Variants in RUNDC3B observed in about 807,000 individuals in gnomAD.
The protein encoded by RUNDC3B is RUN domain containing 3B.
In RUNDC3B, 33 loss-of-function variants were observed where a neutral mutation model predicts 58.4. That is an observed-to-expected ratio of 0.56 (90% CI 0.43 to 0.75). The LOEUF (loss-of-function observed/expected upper bound fraction) is 0.75, where lower values mean the gene tolerates loss of function less well. Ranked by LOEUF, RUNDC3B falls within the 30% of genes least tolerant of loss-of-function variation. The pLI, the probability that RUNDC3B is intolerant of heterozygous loss-of-function variation, is 0.00. For missense variants in RUNDC3B, 501 were observed against 535.7 expected (o/e 0.94, Z 0.64); for synonymous variants, 193 against 195.2 (o/e 0.99, Z 0.10).
At chr7:87,733,368 A>G (rs953418060) in intron 4 of RUNDC3B, among the ~76,000 whole-genome samples, 1 of 152,228 alleles carries the variant, frequency 6.6e-6, no homozygotes, top group Non-Finnish European at 1.5e-5. Context: ...TACAATAATT[A>G]GGAGCATTTC....
At chr7:87,760,198 G>C (rs1465519758) in intron 6 of RUNDC3B, among the ~76,000 whole-genome samples, 1 of 151,818 alleles carries the variant, frequency 6.6e-6, no homozygotes, top group Non-Finnish European at 1.5e-5. Context: ...CAATACAGTA[G>C]CCATTAGCCA....
intron 1 of RUNDC3B, among the ~76,000 whole-genome samples, chr7:87,637,187 A>G (rs753293694): frequency 6.6e-6 from 1 of 152,192 alleles, no homozygotes; most frequent in African/African-American, 2.4e-5. Context: ...AACTATATCA[A>G]CCATACTTTC....
chr7:87,702,087 G>A (rs1462672987), intron 3 of RUNDC3B, among the ~76,000 whole-genome samples: 1 of 126,808 alleles, frequency 7.9e-6, no homozygotes, highest in East Asian at 2.6e-4. Flanking sequence ...AGCTTGCAGT[G>A]AGCAGAGATC....
In RUNDC3B at chr7:87,738,380, A is replaced by G. The variant is rs565266765; in HGVS notation, c.459-1411A>G. On this transcript the variant is annotated intron_variant, in intron 4 of 10. Coordinates refer to ENST00000394654, the MANE Select transcript of RUNDC3B (RefSeq NM_001134405.2). The stretch of plus-strand genomic sequence containing the variant: ...ATTTTACTAATTTTGTTAGGCCAGA[A>G]GTTTTCATTTTTCTCCTTTTATATA... Among the ~76,000 whole-genome samples, 4 of 152,136 alleles carry G rather than the reference A, an allele frequency of 2.6e-5. No individual in the cohort carries two copies. In the East Asian group the frequency reaches 7.7e-4, roughly 29 times the overall value.
intron 4 of RUNDC3B, among the ~76,000 whole-genome samples, chr7:87,723,754 T>A (rs937017940): frequency 6.6e-6 from 1 of 152,132 alleles, no homozygotes; most frequent in East Asian, 1.9e-4. Flanking sequence ...TCAGGTGCCT[T>A]GTTAACCCAA....
At chr7:87,809,171 A>G (rs1836581812) in intron 9 of RUNDC3B, among the ~76,000 whole-genome samples, 2 of 152,192 alleles carry the variant, frequency 1.3e-5, no homozygotes, top group African/African-American at 4.8e-5. Context: ...CTCAGAAAAG[A>G]AGGCAAGGAA....
At position 87,710,645 on chromosome 7, in the gene RUNDC3B, A is replaced by C; in HGVS notation, c.448A>C (p.Lys150Gln). The C allele has an allele frequency of 6.3e-7, 1 of 1,578,920 alleles. No individual in the cohort carries two copies. The highest frequency in any genetic ancestry group is 1.7e-5 in the Admixed American group (1 of 57,828). Reference protein sequence around the residue: ...EYISTALRDFKTTRRFYEDGA... With the variant: ...EYISTALRDFQTTRRFYEDGA... ...CATCTCTACAGCTCTGAGAGACTTCAAAACAACCAGGTTTAAAAGTCCTTT... is the reference window on the plus strand; with the variant it reads ...CATCTCTACAGCTCTGAGAGACTTCCAAACAACCAGGTTTAAAAGTCCTTT... The change falls in exon 4 of 11, where the codon AAA becomes CAA. Residue 150 changes from lysine (K) to glutamine (Q), a missense_variant. Coordinates refer to ENST00000394654, the MANE Select transcript of RUNDC3B (RefSeq NM_001134405.2).
chr7:87,755,346 A>G (rs190459725), intron 6 of RUNDC3B, among the ~76,000 whole-genome samples: 67 of 152,242 alleles, frequency 4.4e-4, no homozygotes, highest in Middle Eastern at 3.4e-3. Context: ...TGATGAAACT[A>G]TTCCAAAATA....
At chr7:87,812,495 G>A (rs188654207) in intron 9 of RUNDC3B, among the ~76,000 whole-genome samples, 12 of 152,292 alleles carry the variant, frequency 7.9e-5, no homozygotes, top group Admixed American at 4.6e-4. Context: ...TATAATCTCA[G>A]CTACTTGGGA....
intron 1 of RUNDC3B, among the ~76,000 whole-genome samples, chr7:87,635,870 T>C (rs868359182): frequency 6.6e-6 from 1 of 152,200 alleles, no homozygotes; most frequent in Admixed American, 6.5e-5. Flanking sequence ...GTGTTTAGCT[T>C]ATTTTGTTCA....
intron 8 of RUNDC3B, among the ~76,000 whole-genome samples, chr7:87,805,653 A>G (rs1836399075): frequency 1.3e-5 from 2 of 152,196 alleles, no homozygotes. Context: ...CACTTTCCAG[A>G]AAGAATATAT....
chr7:87,646,759 TTG>T lies in RUNDC3B; in HGVS notation c.123-4059_123-4058del, dbSNP rs528842108. Reference sequence around the variant, plus strand: ...TTGCCAGGGATTGGCAGCATTATTCTTGTGTATTGTCACTGAGATGGACGTAG... The same window carrying T: ...TTGCCAGGGATTGGCAGCATTATTCTTGTATTGTCACTGAGATGGACGTAG... On this transcript the variant is annotated intron_variant, in intron 1 of 10. Transcript: ENST00000394654. 8.4e-3 allele frequency among the ~76,000 whole-genome samples: 1,272 copies of T among 152,326 alleles called. 10 individuals are homozygous for T. The highest frequency in any genetic ancestry group is 0.015 in the Admixed American group (222 of 15,310).
intron 9 of RUNDC3B, among the ~76,000 whole-genome samples, chr7:87,808,577 A>T (rs1242794400): frequency 6.6e-6 from 1 of 152,134 alleles, no homozygotes; most frequent in Non-Finnish European, 1.5e-5. Flanking sequence ...TATTAGAGAT[A>T]AGTAGGAAAA....
chr7:87,770,597 A>C lies in RUNDC3B; in HGVS notation c.646A>C (p.Ser216Arg). ...KYIQSSDSISSDEEELRTLGS... is the reference protein window; with the variant it reads ...KYIQSSDSISRDEEELRTLGS... Reference sequence around the variant, plus strand: ...TCTTCCCAGTTCTGATAGTATCAGCAGTGATGAGGAGGAGCTAAGGACTTT... The same window carrying C: ...TCTTCCCAGTTCTGATAGTATCAGCCGTGATGAGGAGGAGCTAAGGACTTT... The change falls in exon 7 of 11, where the codon AGT (serine) becomes CGT (arginine). Residue 216 changes from serine (S) to arginine (R), a missense_variant. Coordinates refer to ENST00000394654, the MANE Select transcript of RUNDC3B (RefSeq NM_001134405.2). 1 of 1,613,400 alleles carries C rather than the reference A, an allele frequency of 6.2e-7. No individual in the cohort carries two copies. The highest frequency in any genetic ancestry group is 8.5e-7 in the Non-Finnish European group (1 of 1,179,532).
chr7:87,653,042 T>G (rs1823739603), intron 2 of RUNDC3B, among the ~76,000 whole-genome samples: 1 of 151,956 alleles, frequency 6.6e-6, no homozygotes, highest in Non-Finnish European at 1.5e-5. Flanking sequence ...GCTGAGACAG[T>G]TACTTTACTC....
At chr7:87,765,659 T>C (rs1193275002) in intron 6 of RUNDC3B, among the ~76,000 whole-genome samples, 1 of 152,134 alleles carries the variant, frequency 6.6e-6, no homozygotes, top group East Asian at 1.9e-4. Flanking sequence ...TGAGAAGATA[T>C]TTGATATGAT....
intron 4 of RUNDC3B, among the ~76,000 whole-genome samples, chr7:87,722,129 G>T (rs961109362): frequency 1.5e-4 from 23 of 149,964 alleles, no homozygotes; most frequent in African/African-American, 5.7e-4. Context: ...TTGATGTTTT[G>T]ATATATATTC....
Position 87,830,023 on chromosome 7 carries a change from C to T in RUNDC3B, c.1364C>T (p.Pro455Leu). The T allele has an allele frequency of 6.4e-7, 1 of 1,566,340 alleles. No individual in the cohort carries two copies. The highest frequency in any genetic ancestry group is 8.6e-7 in the Non-Finnish European group (1 of 1,161,172). The change falls in exon 11 of 11, where the codon CCA becomes CTA. Residue 455 changes from proline to leucine, a missense_variant. Pro to Leu is a moderately conservative substitution (Grantham distance 98). Coordinates refer to ENST00000394654, the MANE Select transcript of RUNDC3B (RefSeq NM_001134405.2). ...TTEMTSPGLT[P>L]S ...GAGATGACAAGTCCAGGCCTAACTCCATCCTGAAAATTTTTGTGTAAAAGC... is the reference window on the plus strand; with the variant it reads ...GAGATGACAAGTCCAGGCCTAACTCTATCCTGAAAATTTTTGTGTAAAAGC...
intron 9 of RUNDC3B, 63 bp from the exon 10 acceptor site, chr7:87,816,075 TAAC>T (rs1450657388): frequency 2.6e-6 from 3 of 1,137,516 alleles, no homozygotes; most frequent in Non-Finnish European, 3.9e-6. Flanking sequence ...AACCATTAAA[TAAC>T]CACTCAAGAA....
Sources: allele counts gnomAD v4.1 joint callset (sites outside exome capture counted in the v4.1 genomes callset), GRCh38; gene constraint gnomAD v4.1.1; transcripts MANE v1.5; gene names NCBI Gene and HGNC (gene_info 2026-07-23, HGNC 2026-07-21).